The following ETV6 variants were observed in gnomAD, a reference collection of about 807,000 sequenced individuals.
ETV6 encodes the protein ETS variant transcription factor 6.
ETV6 carries 16 observed loss-of-function variants against 51.1 expected under a neutral mutation model. The ratio of observed to expected loss-of-function variants is 0.31; its 90% confidence interval spans 0.21 to 0.48. The LOEUF (loss-of-function observed/expected upper bound fraction) is 0.48, where lower values mean the gene tolerates loss of function less well. Ranked by LOEUF, ETV6 falls within the 20% of genes least tolerant of loss-of-function variation. The pLI, the probability that ETV6 is intolerant of heterozygous loss-of-function variation, is 0.99. For synonymous variants in ETV6, 240 were observed against 224.1 expected (o/e 1.07, Z -0.64); for missense variants, 458 against 594.8 (o/e 0.77, Z 2.39).
intron 4 of ETV6, among the ~76,000 whole-genome samples, chr12:11,860,228 C>T (rs1176489787): frequency 6.6e-6 from 1 of 152,196 alleles, no homozygotes; most frequent in Non-Finnish European, 1.5e-5. Context: ...TGGTTGTAAA[C>T]CCACTCGATT....
rs1947303569 is a variant in ETV6 at position 11,892,233 on chromosome 12, T to TTC, written c.*1187_*1188insTC. Reference sequence around the variant, plus strand: ...TGATTTTTTTTTTTTTTTTTTTTTTTCAATTCCTAACCTTTTTTAAAGTTT... The same window carrying TTC: ...TGATTTTTTTTTTTTTTTTTTTTTTTTCCAATTCCTAACCTTTTTTAAAGTTT... On this transcript the variant is annotated 3_prime_UTR_variant, in exon 8 of 8. Coordinates refer to ENST00000396373, the MANE Select transcript of ETV6 (RefSeq NM_001987.5). 4 of 227,056 alleles carry TTC rather than the reference T, an allele frequency of 1.8e-5. No homozygotes were observed. In the East Asian group the frequency reaches 2.5e-4, roughly 14 times the overall value. The allele number at this position is 227,056 out of a possible 1,614,324, so 14.1% of individuals were successfully genotyped here.
intron 5 of ETV6, among the ~76,000 whole-genome samples, chr12:11,879,739 A>G (rs1333554137): frequency 6.6e-6 from 1 of 152,260 alleles, no homozygotes; most frequent in Non-Finnish European, 1.5e-5. Flanking sequence ...CTTAAAATTA[A>G]TGAATACCTT....
At chr12:11,818,841 T>C (rs1946034780) in intron 2 of ETV6, among the ~76,000 whole-genome samples, 1 of 152,060 alleles carries the variant, frequency 6.6e-6, no homozygotes, top group East Asian at 1.9e-4. Flanking sequence ...CTCTGCAGGC[T>C]CCCAGGCAGC....
chr12:11,841,442 C>T (rs1221397589), intron 3 of ETV6, among the ~76,000 whole-genome samples: 2 of 152,132 alleles, frequency 1.3e-5, no homozygotes, highest in Non-Finnish European at 2.9e-5. Flanking sequence ...ATTGAGTAGG[C>T]AGAGGGTAAT....
rs1233207071 is a variant in ETV6 at position 11,662,270 on chromosome 12, A to G, written c.33+12110A>G. Among the ~76,000 whole-genome samples, 4 of 152,174 alleles carry G rather than the reference A, an allele frequency of 2.6e-5. 1 individual carries two copies. Among genetic ancestry groups the G allele is most frequent in the Non-Finnish European group, 5.9e-5 (4 of 68,038 alleles). On this transcript the variant is annotated intron_variant, in intron 1 of 7. Coordinates refer to ENST00000396373, the MANE Select transcript of ETV6 (RefSeq NM_001987.5). ...GAGTGGAAAAAAACAAAAAACCTTA[A>G]AAATGCAAGAAGGAAGAAAGGTAGG...
intron 1 of ETV6, among the ~76,000 whole-genome samples, chr12:11,740,535 A>G (rs1865789272): frequency 6.6e-6 from 1 of 151,878 alleles, no homozygotes. Context: ...TGAATTTCAG[A>G]TATTAAAGCC....
chr12:11,729,419 G>C (rs1023140861), intron 1 of ETV6, among the ~76,000 whole-genome samples: 3 of 152,194 alleles, frequency 2.0e-5, no homozygotes, highest in Non-Finnish European at 4.4e-5. Context: ...GTGGGATCAG[G>C]TGGGGGGGAC....
At chr12:11,682,300 C>T (rs542737940) in intron 1 of ETV6, among the ~76,000 whole-genome samples, 145 of 152,278 alleles carry the variant, frequency 9.5e-4, no homozygotes, top group African/African-American at 3.1e-3. Context: ...TTTTGATTTG[C>T]ATTTCTGTAA....
chr12:11,886,100 G>A, intron 7 of ETV6, 74 bp downstream of exon 7: 1 of 1,060,930 alleles, frequency 9.4e-7, no homozygotes, highest in South Asian at 1.3e-5. Flanking sequence ...AGTGGGGGGA[G>A]ACTGTTAAGA....
intron 1 of ETV6, among the ~76,000 whole-genome samples, chr12:11,691,074 G>T (rs2120793957): frequency 6.7e-6 from 1 of 149,808 alleles, no homozygotes; most frequent in South Asian, 2.1e-4. Flanking sequence ...TCTGGTAAGG[G>T]CCCTCTCCTG....
intron 3 of ETV6, among the ~76,000 whole-genome samples, chr12:11,844,029 C>A (rs1946426875): frequency 6.6e-6 from 1 of 151,784 alleles, no homozygotes; most frequent in African/African-American, 2.4e-5. Context: ...AGATAGTTAT[C>A]ACATTAACTG....
intron 5 of ETV6, among the ~76,000 whole-genome samples, chr12:11,883,803 A>G (rs1947142880): frequency 6.6e-6 from 1 of 152,216 alleles, no homozygotes; most frequent in African/African-American, 2.4e-5. Context: ...AAAGACCTCC[A>G]AAATGTGATA....
intron 3 of ETV6, among the ~76,000 whole-genome samples, chr12:11,845,054 C>G (rs185438510): frequency 0.01 from 1,598 of 152,256 alleles, 17 homozygotes; most frequent in Non-Finnish European, 0.015. Context: ...TGATCTCAAT[C>G]TCTTGACCTC....
chr12:11,828,233 C>T (rs1463812115), intron 2 of ETV6, among the ~76,000 whole-genome samples: 2 of 152,196 alleles, frequency 1.3e-5, no homozygotes, highest in South Asian at 2.1e-4. Flanking sequence ...CAAGTTGCCT[C>T]ATTGTACGTA....
At chr12:11,817,019 T>G (rs952978538) in intron 2 of ETV6, among the ~76,000 whole-genome samples, 4 of 152,160 alleles carry the variant, frequency 2.6e-5, no homozygotes, top group Non-Finnish European at 5.9e-5. Context: ...CTTAGAAGCC[T>G]CTGGTGATGT....
At chr12:11,874,855 A>T (rs191614664) in intron 5 of ETV6, among the ~76,000 whole-genome samples, 8 of 144,006 alleles carry the variant, frequency 5.6e-5, no homozygotes, top group East Asian at 2.1e-4. Context: ...ATGAGAACAC[A>T]TGGACACAGG....
At chr12:11,773,373 G>T (rs1408788077) in intron 2 of ETV6, among the ~76,000 whole-genome samples, 2 of 151,932 alleles carry the variant, frequency 1.3e-5, no homozygotes, top group African/African-American at 4.8e-5. Flanking sequence ...ACTACAGTGA[G>T]ACTGAATGGA....
rs144220687 is a variant in ETV6 at position 11,726,215 on chromosome 12, A to C, written c.34-26235A>C. Among the ~76,000 whole-genome samples the C allele has an allele frequency of 4.6e-5, 7 of 152,378 alleles. No homozygotes were observed. In the East Asian group the frequency reaches 1.2e-3, roughly 25 times the overall value. The stretch of plus-strand genomic sequence containing the variant: ...ATGAGAATTCTTAAGGGCATTTGAA[A>C]TGGCAAGGGGTATGTTTGGAAGAAG... On this transcript the variant is annotated intron_variant, in intron 1 of 7. Coordinates refer to ENST00000396373, the MANE Select transcript of ETV6 (RefSeq NM_001987.5).
intron 2 of ETV6, among the ~76,000 whole-genome samples, chr12:11,823,469 C>CG (rs1946110835): frequency 3.6e-5 from 5 of 137,572 alleles, no homozygotes; most frequent in Admixed American, 3.6e-4. Flanking sequence ...TCCTTTTTTT[C>CG]TTTTTTTTTT....
Sources: allele counts gnomAD v4.1 joint callset (sites outside exome capture counted in the v4.1 genomes callset), GRCh38; gene constraint gnomAD v4.1.1; transcripts MANE v1.5; gene names NCBI Gene and HGNC (gene_info 2026-07-23, HGNC 2026-07-21).